The following WWOX variants were observed in gnomAD, a reference collection of about 807,000 sequenced individuals.
WWOX encodes the protein WW domain-containing oxidoreductase.
Under a neutral mutation model 46.2 loss-of-function variants are expected in WWOX, and 69 were observed. The observed-to-expected ratio is 1.49, with a 90% CI of 1.23 to 1.82. The LOEUF (loss-of-function observed/expected upper bound fraction) is 1.82. Among genes scored for constraint, WWOX ranks in the 40% most tolerant of loss-of-function variants. The pLI is 0.00. For synonymous variants in WWOX, 359 were observed against 202.6 expected (o/e 1.77, Z -6.56); for missense variants, 919 against 542.6 (o/e 1.69, Z -6.89).
intron 8 of WWOX, among the ~76,000 whole-genome samples, chr16:79,020,384 C>G (rs947964977): frequency 1.3e-5 from 2 of 152,220 alleles, no homozygotes; most frequent in South Asian, 2.1e-4. Context: ...CTGCCACTTG[C>G]TATAATAGCT....
In WWOX at chr16:78,594,221, A is replaced by C. The variant is rs186009204; in HGVS notation, c.1056+161469A>C. On this transcript the variant is annotated intron_variant, in intron 8 of 8. Transcript: ENST00000566780. ...TTAACCCCATATACGAAGCAAACCT[A>C]TGTGTATGTGTTTGTGTGTGCATCA... Among the ~76,000 whole-genome samples, 266 of 151,862 alleles carry C rather than the reference A, an allele frequency of 1.8e-3. 2 individuals carry two copies. Among genetic ancestry groups the C allele is most frequent in the African/African-American group, 6.1e-3 (253 of 41,414 alleles).
intron 8 of WWOX, chr16:78,535,314 A>C (rs932191193): frequency 1.3e-5 from 2 of 152,228 alleles, no homozygotes; most frequent in Non-Finnish European, 2.9e-5. Context: ...CCTCTGTCTG[A>C]GTCCGGGAGA....
At chr16:78,621,841 A>G (rs1230840608) in intron 8 of WWOX, among the ~76,000 whole-genome samples, 1 of 151,970 alleles carries the variant, frequency 6.6e-6, no homozygotes, top group South Asian at 2.1e-4. Flanking sequence ...TCCTGACCTC[A>G]TGATCTGCCT....
chr16:79,201,764 T>G (rs2051357268), intron 8 of WWOX, among the ~76,000 whole-genome samples: 1 of 150,634 alleles, frequency 6.6e-6, no homozygotes, highest in Non-Finnish European at 1.5e-5. Context: ...ACTTTTTTCT[T>G]CCATCCCTAT....
intron 5 of WWOX, among the ~76,000 whole-genome samples, chr16:78,357,738 A>C (rs535943863): frequency 2.0e-5 from 3 of 152,162 alleles, no homozygotes; most frequent in Admixed American, 6.5e-5. Context: ...TGGGTGCTAC[A>C]TATTTATTAC....
At chr16:78,560,475 C>G (rs1168831999) in intron 8 of WWOX, among the ~76,000 whole-genome samples, 2 of 152,096 alleles carry the variant, frequency 1.3e-5, no homozygotes, top group Non-Finnish European at 2.9e-5. Context: ...AAACCCCCGT[C>G]TCTACTAAAA....
At chr16:78,885,563 A>G (rs918350493) in intron 8 of WWOX, among the ~76,000 whole-genome samples, 1 of 152,210 alleles carries the variant, frequency 6.6e-6, no homozygotes, top group African/African-American at 2.4e-5. Flanking sequence ...GTTGGATGTG[A>G]TTTCCAACAT....
intron 8 of WWOX, among the ~76,000 whole-genome samples, chr16:79,064,518 T>A (rs1029717874): frequency 6.6e-6 from 1 of 152,224 alleles, no homozygotes; most frequent in Non-Finnish European, 1.5e-5. Flanking sequence ...GGAACGCAGA[T>A]GTGGAGACAC....
At chr16:78,719,383 A>G (rs930473644) in intron 8 of WWOX, among the ~76,000 whole-genome samples, 15 of 152,236 alleles carry the variant, frequency 9.9e-5, no homozygotes, top group African/African-American at 3.4e-4. Context: ...GTGATGTGGG[A>G]TCCAAGAAGA....
chr16:78,645,821 T>G (rs1158219821), intron 8 of WWOX, among the ~76,000 whole-genome samples: 1 of 152,130 alleles, frequency 6.6e-6, no homozygotes, highest in Non-Finnish European at 1.5e-5. Flanking sequence ...TGGGCCAAAA[T>G]CAAGGTGTTG....
chr16:78,514,642 C>T (rs1466753348), intron 8 of WWOX, among the ~76,000 whole-genome samples: 3 of 152,204 alleles, frequency 2.0e-5, no homozygotes, highest in East Asian at 3.9e-4. Context: ...TTTCTTGATG[C>T]ATTTAAAAAA....
intron 8 of WWOX, among the ~76,000 whole-genome samples, chr16:78,783,430 T>G (rs1179064804): frequency 1.3e-5 from 2 of 152,030 alleles, no homozygotes; most frequent in East Asian, 3.9e-4. Context: ...AGGAAGGAGT[T>G]TGTACCCACA....
intron 8 of WWOX, among the ~76,000 whole-genome samples, chr16:78,622,474 G>A (rs1314447688): frequency 1.3e-5 from 2 of 151,820 alleles, no homozygotes; most frequent in African/African-American, 2.4e-5. Context: ...CCCAGGAGAC[G>A]GGGGTTGCAG....
intron 6 of WWOX, among the ~76,000 whole-genome samples, chr16:78,404,740 G>C (rs901034998): frequency 4.6e-5 from 7 of 152,156 alleles, no homozygotes; most frequent in Non-Finnish European, 5.9e-5. Context: ...TGTGGTTGAA[G>C]TTACTTTTTC....
At chr16:78,792,855 G>T (rs1003176794) in intron 8 of WWOX, among the ~76,000 whole-genome samples, 2 of 152,152 alleles carry the variant, frequency 1.3e-5, no homozygotes, top group South Asian at 2.1e-4. Flanking sequence ...TGCTCACCCC[G>T]GGGATTTAGC....
At chr16:79,191,454 A>G (rs1227756080) in intron 8 of WWOX, among the ~76,000 whole-genome samples, 1 of 152,020 alleles carries the variant, frequency 6.6e-6, no homozygotes, top group Non-Finnish European at 1.5e-5. Flanking sequence ...TTGCATTTCC[A>G]TACATTTTGC....
At chr16:78,111,536 G>A (rs1001926468) in intron 3 of WWOX, among the ~76,000 whole-genome samples, 83 of 152,260 alleles carry the variant, frequency 5.5e-4, no homozygotes, top group African/African-American at 1.9e-3. Context: ...CAGTGTCTGG[G>A]AAGACACCCG....
intron 8 of WWOX, among the ~76,000 whole-genome samples, chr16:79,134,689 A>G (rs2049949500): frequency 6.6e-6 from 1 of 152,212 alleles, no homozygotes; most frequent in Non-Finnish European, 1.5e-5. Flanking sequence ...GGACATTCTT[A>G]TAGACATGTC....
At chr16:78,795,546 A>G (rs2050714632) in intron 8 of WWOX, among the ~76,000 whole-genome samples, 1 of 152,196 alleles carries the variant, frequency 6.6e-6, no homozygotes, top group African/African-American at 2.4e-5. Flanking sequence ...AATTCTGAAA[A>G]AAAGGATTCA....
Sources: gnomAD v4.1 joint callset for allele counts (sites outside exome capture counted in the v4.1 genomes callset) on GRCh38, gnomAD v4.1.1 for gene constraint, MANE v1.5 for transcripts, NCBI Gene and HGNC (gene_info 2026-07-23, HGNC 2026-07-21) for gene names.